FA2H: variants seen among roughly 807,000 people sequenced by gnomAD.
FA2H encodes the protein fatty acid alpha-hydroxylase.
FA2H carries 22 observed loss-of-function variants against 44.9 expected under a neutral mutation model. The ratio of observed to expected loss-of-function variants is 0.49; its 90% CI spans 0.35 to 0.70. The LOEUF is 0.70. Among genes scored for constraint, FA2H ranks in the 30% least tolerant of loss-of-function variants. The probability of loss-of-function intolerance (pLI) is 0.01; values close to 1 mark genes in which losing one functional copy is unlikely to be tolerated. For synonymous variants in FA2H, 243 were observed against 213.2 expected (o/e 1.14, Z -1.22); for missense variants, 501 against 504.9 (o/e 0.99, Z 0.07).
At chr16:74,760,175 C>T (rs1220756998) in intron 1 of FA2H, among the ~76,000 whole-genome samples, 1 of 152,160 alleles carries the variant, frequency 6.6e-6, no homozygotes, top group Admixed American at 6.5e-5. Context: ...ACCCACTACG[C>T]TGCCGCTGCA....
At chr16:74,726,679 G>T (rs905238851) in intron 3 of FA2H, among the ~76,000 whole-genome samples, 2 of 152,234 alleles carry the variant, frequency 1.3e-5, no homozygotes, top group Non-Finnish European at 2.9e-5. Flanking sequence ...GAGCCACCAT[G>T]CCCGGCAGGG....
At chr16:74,716,675 C>A in intron 5 of FA2H, 76 bp from the exon 6 acceptor site, 1 of 1,471,892 alleles carries the variant, frequency 6.8e-7, no homozygotes, top group Non-Finnish European at 9.0e-7. Flanking sequence ...CCACTCCCTG[C>A]AGAGGACAGG....
chr16:74,730,670 A>G (rs1438485129), intron 2 of FA2H, among the ~76,000 whole-genome samples: 1 of 152,144 alleles, frequency 6.6e-6, no homozygotes, highest in African/African-American at 2.4e-5. Context: ...GCCCCACCTT[A>G]GAAGAAGTTG....
intron 4 of FA2H, among the ~76,000 whole-genome samples, chr16:74,720,703 CCAAGCCCCTGTA>C (rs1961817023): frequency 6.6e-6 from 1 of 152,154 alleles, no homozygotes. Flanking sequence ...CACTTCCCCG[CCAAGCCCCTGTA>C]CCCATTAGCA....
intron 1 of FA2H, among the ~76,000 whole-genome samples, chr16:74,759,249 T>A (rs1045355755): frequency 2.6e-5 from 4 of 152,236 alleles, no homozygotes; most frequent in African/African-American, 9.6e-5. Flanking sequence ...ACACGTTTCA[T>A]TCATGACACA....
intron 4 of FA2H, among the ~76,000 whole-genome samples, chr16:74,720,110 C>T (rs1188329687): frequency 2.0e-5 from 3 of 151,434 alleles, no homozygotes; most frequent in Non-Finnish European, 4.4e-5. Flanking sequence ...TTTCCTCCAC[C>T]TCATTCATTC....
rs1032761987 is a variant in FA2H at position 74,718,862 on chromosome 16, C to T, written c.786+126G>A. On this transcript the variant is annotated intron_variant, in intron 5 of 6. Transcript: ENST00000219368. ...CAGTTGCCCCGTGAGTCACATCAAA[C>T]GTCCCGTCCCTCCCAACCCACAGCC... 2.3e-5 allele frequency: 26 copies of T among 1,143,112 alleles called. No homozygotes were observed. In the South Asian group the frequency reaches 2.9e-4, roughly 13 times the overall value. 70.8% of individuals were successfully genotyped at this position (1,143,112 alleles called of 1,614,324 possible).
At chr16:74,741,382 C>G (rs140167394) in intron 1 of FA2H, 4 of 152,330 alleles carry the variant, frequency 2.6e-5, no homozygotes, top group African/African-American at 9.6e-5. Context: ...AAAACCCACA[C>G]GTAACCCAAG....
chr16:74,744,021 C>A (rs1407026686), intron 1 of FA2H, among the ~76,000 whole-genome samples: 1 of 152,204 alleles, frequency 6.6e-6, no homozygotes, highest in Non-Finnish European at 1.5e-5. Flanking sequence ...ACAGCTAAGA[C>A]AAAGACCCTT....
chr16:74,757,690 T>A (rs554204724), intron 1 of FA2H, among the ~76,000 whole-genome samples: 1 of 152,346 alleles, frequency 6.6e-6, no homozygotes, highest in Admixed American at 6.5e-5. Flanking sequence ...GTCTGCCTCA[T>A]ATGATTCCTT....
chr16:74,758,117 CTT>C (rs71378706), intron 1 of FA2H, among the ~76,000 whole-genome samples: 28,242 of 112,684 alleles, frequency 0.25, 2,573 homozygotes, highest in African/African-American at 0.4. Context: ...GGAAACAATT[CTT>C]TTTTTTTTTT....
chr16:74,748,743 G>A (rs542413290), intron 1 of FA2H, among the ~76,000 whole-genome samples: 1 of 152,214 alleles, frequency 6.6e-6, no homozygotes, highest in African/African-American at 2.4e-5. Flanking sequence ...CATAGAGGCC[G>A]CGTGAAAGGA....
At chr16:74,767,469 C>T (rs1432072584) in intron 1 of FA2H, among the ~76,000 whole-genome samples, 1 of 152,142 alleles carries the variant, frequency 6.6e-6, no homozygotes, top group Admixed American at 6.5e-5. Flanking sequence ...AGGGACTCTG[C>T]AGATGTCATT....
At chr16:74,765,726 A>G (rs534598596) in intron 1 of FA2H, among the ~76,000 whole-genome samples, 73 of 151,530 alleles carry the variant, frequency 4.8e-4, no homozygotes, top group African/African-American at 1.7e-3. Flanking sequence ...TATGTTGGAA[A>G]ATTTTTTTGT....
chr16:74,738,033 G>A (rs61098432), intron 2 of FA2H, among the ~76,000 whole-genome samples: 10,193 of 152,260 alleles, frequency 0.067, 362 homozygotes, highest in African/African-American at 0.084. Context: ...AGCACCCTCT[G>A]CCCTCCTGGG....
In FA2H at chr16:74,774,630, G is replaced by T. The variant is rs1176139669; in HGVS notation, c.126C>A (p.His42Gln). Residue 42 changes from histidine (H) to glutamine (Q), a missense_variant, in exon 1 of 7, where the codon CAC becomes CAA. His to Gln is a conservative substitution (Grantham distance 24). Transcript: ENST00000219368. ...RLYDLSSFVR[H>Q]HPGGEQLLRA... Reference sequence around the variant, plus strand: ...GCAGCAGCTGCTCGCCCCCCGGGTGGTGCCGCACGAAGCTGGAGAGGTCGT... The same window carrying T: ...GCAGCAGCTGCTCGCCCCCCGGGTGTTGCCGCACGAAGCTGGAGAGGTCGT... 2 of 1,514,754 alleles carry T rather than the reference G, an allele frequency of 1.3e-6. No homozygotes were observed. The highest frequency in any genetic ancestry group is 4.1e-5 in the Admixed American group (2 of 48,974). The allele number at this position is 1,514,754 out of a possible 1,614,324, so 93.8% of individuals were successfully genotyped here. A position where few individuals can be genotyped will look rare whatever the true frequency, so the allele number is the denominator to read the frequency against.
chr16:74,718,133 A>G (rs1268883596), intron 5 of FA2H, among the ~76,000 whole-genome samples: 1 of 152,174 alleles, frequency 6.6e-6, no homozygotes, highest in Non-Finnish European at 1.5e-5. Context: ...CAGGCGGCCG[A>G]TCAAACCCCG....
chr16:74,724,690 G>A lies in FA2H; in HGVS notation c.613+1535C>T, dbSNP rs553492318. Among the ~76,000 whole-genome samples, 7 of 152,238 alleles carry A rather than the reference G, an allele frequency of 4.6e-5. No homozygotes were observed. In the South Asian group the frequency reaches 1.2e-3, roughly 27 times the overall value. On this transcript the variant is annotated intron_variant, in intron 4 of 6. Coordinates refer to ENST00000219368, the MANE Select transcript of FA2H (RefSeq NM_024306.5). ...CTCATGCCCCCATCACTGGCATCAT[G>A]GTCACAGGCTTACTAACCCTCTACA...
chr16:74,755,704 T>C (rs924257169), intron 1 of FA2H, among the ~76,000 whole-genome samples: 29 of 152,148 alleles, frequency 1.9e-4, no homozygotes, highest in African/African-American at 6.5e-4. Context: ...CCCTCTAACC[T>C]GGATTTCACC....
Sources: gnomAD v4.1 joint callset for allele counts (sites outside exome capture counted in the v4.1 genomes callset) on GRCh38, gnomAD v4.1.1 for gene constraint, MANE v1.5 for transcripts, NCBI Gene and HGNC (gene_info 2026-07-23, HGNC 2026-07-21) for gene names.